The following TTC39B variants were observed in gnomAD, a reference collection of about 807,000 sequenced individuals.
The protein encoded by TTC39B is tetratricopeptide repeat domain 39B.
A neutral mutation model predicts 96.6 loss-of-function variants in TTC39B; 92 were observed. The observed-to-expected ratio is 0.95, with a 90% CI of 0.80 to 1.13. TTC39B has a LOEUF of 1.13. TTC39B is among the 50% of genes most tolerant of loss of function. TTC39B has a pLI of 0.00. For missense variants in TTC39B, 955 were observed against 809.3 expected (o/e 1.18, Z -2.18); for synonymous variants, 367 against 299.4 (o/e 1.23, Z -2.33).
chr9:15,306,955 C>T lies in TTC39B; in HGVS notation c.240+129G>A. On this transcript the variant is annotated intron_variant, in intron 1 of 19. Transcript: ENST00000512701. This position sits in a 1 kb window ranked among gnomAD's most constrained non-coding sequence, Gnocchi z 5.1. ...AAGGCCGGGCGCCCCCACCCGGCGCCCGCCAGCCCACCCCAGAGAGGGGAC... is the reference window on the plus strand; with the variant it reads ...AAGGCCGGGCGCCCCCACCCGGCGCTCGCCAGCCCACCCCAGAGAGGGGAC... 7.1e-7 allele frequency: 1 copy of T among 1,401,124 alleles called. No homozygotes were observed. The highest frequency in any genetic ancestry group is 1.4e-5 in the South Asian group (1 of 72,992). The allele number at this position is 1,401,124 out of a possible 1,614,324, so 86.8% of individuals were successfully genotyped here. A position where few individuals can be genotyped will look rare whatever the true frequency, so the allele number is the denominator to read the frequency against.
intron 3 of TTC39B, among the ~76,000 whole-genome samples, chr9:15,217,721 C>A (rs545690574): frequency 6.6e-6 from 1 of 152,244 alleles, no homozygotes; most frequent in African/African-American, 2.4e-5. Context: ...CTCCATGGTT[C>A]TCAAACTCCA....
intron 3 of TTC39B, among the ~76,000 whole-genome samples, chr9:15,224,936 TA>T (rs1821041114): frequency 6.6e-6 from 1 of 152,188 alleles, no homozygotes. Context: ...AACACACGCA[TA>T]GCTGAAATTT....
At position 15,201,532 on chromosome 9, in the gene TTC39B, A is replaced by C. The variant is rs1293521417; in HGVS notation, c.760-1607T>G. On this transcript the variant is annotated intron_variant, in intron 7 of 19. Coordinates refer to ENST00000512701, the Ensembl canonical transcript of TTC39B. ...AAATAATTAGAAACTGGACAGGTAT[A>C]GAAAGGCAAAGCAGATGTGAATTTT... Among the ~76,000 whole-genome samples, 3 of 152,352 alleles carry C rather than the reference A, an allele frequency of 2.0e-5. No homozygotes were observed. The South Asian group carries it at 6.2e-4, about 32-fold the overall frequency.
intron 2 of TTC39B, chr9:15,249,994 A>ATT: frequency 2.4e-6 from 3 of 1,276,178 alleles, no homozygotes; most frequent in South Asian, 1.3e-5. Flanking sequence ...CTTCTACCAG[A>ATT]TTTTTTTTTA....
At chr9:15,192,755 A>C in intron 8 of TTC39B, 60 bp from the exon 9 acceptor site, 1 of 1,194,282 alleles carries the variant, frequency 8.4e-7, no homozygotes, top group East Asian at 2.4e-5. Flanking sequence ...ATAAATATTA[A>C]ATCAAATTTT....
intron 2 of TTC39B, among the ~76,000 whole-genome samples, chr9:15,251,605 C>A (rs1647406134): frequency 6.7e-6 from 1 of 149,756 alleles, no homozygotes; most frequent in South Asian, 2.1e-4. Context: ...CCAGAGATAA[C>A]CACTCTTAAT....
At chr9:15,202,258 A>G (rs1009033399) in intron 7 of TTC39B, among the ~76,000 whole-genome samples, 2 of 152,202 alleles carry the variant, frequency 1.3e-5, no homozygotes, top group African/African-American at 4.8e-5. Context: ...TATCATTATG[A>G]TGCTTACTGA....
rs188820882 is a variant in TTC39B at position 15,173,421 on chromosome 9, A to G, written c.1959-1312T>C. ...AGAGTTGCCTAAAGTAGCGGACTCC[A>G]TTTTGTTTGTCACCTCATTTGTCAA... On this transcript the variant is annotated intron_variant, in intron 19 of 19. Coordinates refer to ENST00000512701, the Ensembl canonical transcript of TTC39B. Among the ~76,000 whole-genome samples the G allele has an allele frequency of 9.2e-5, 14 of 152,260 alleles. 1 individual carries two copies. In the East Asian group the frequency reaches 2.7e-3, roughly 29 times the overall value.
At chr9:15,198,633 C>G (rs549083) in intron 8 of TTC39B, among the ~76,000 whole-genome samples, 40,693 of 151,374 alleles carry the variant, frequency 0.27, 5,580 homozygotes, top group South Asian at 0.32. Context: ...AAAAATTAGA[C>G]TACAGCTAAG....
At chr9:15,257,707 C>T (rs193223247) in intron 2 of TTC39B, among the ~76,000 whole-genome samples, 173 of 151,552 alleles carry the variant, frequency 1.1e-3, no homozygotes, top group Non-Finnish European at 1.1e-3. Flanking sequence ...TTTGGCCTCC[C>T]AAAGTGCTGG....
chr9:15,186,241 G>C (rs1472740615), intron 15 of TTC39B, among the ~76,000 whole-genome samples: 1 of 152,156 alleles, frequency 6.6e-6, no homozygotes, highest in Non-Finnish European at 1.5e-5. Flanking sequence ...TGGAGCTATG[G>C]ATTTTAAACT....
chr9:15,199,602 G>A (rs1032647953), intron 8 of TTC39B, among the ~76,000 whole-genome samples: 1 of 151,424 alleles, frequency 6.6e-6, no homozygotes, highest in Non-Finnish European at 1.5e-5. Flanking sequence ...GGGCGTGGTG[G>A]CGGGCGCCTG....
chr9:15,288,417 C>T (rs1367714343), intron 1 of TTC39B, among the ~76,000 whole-genome samples: 4 of 152,150 alleles, frequency 2.6e-5, no homozygotes, highest in Admixed American at 2.6e-4. Flanking sequence ...CAGAATGGCA[C>T]AGCAAAGAGA....
intron 19 of TTC39B, among the ~76,000 whole-genome samples, chr9:15,174,780 C>A (rs1424325500): frequency 2.6e-5 from 4 of 152,120 alleles, no homozygotes; most frequent in African/African-American, 9.7e-5. Flanking sequence ...AGAAATCTTT[C>A]AAATAGATGC....
At position 15,200,729 on chromosome 9, in the gene TTC39B, G is replaced by A. The variant is rs138756635; in HGVS notation, c.760-804C>T. On this transcript the variant is annotated intron_variant, in intron 7 of 19. Transcript: ENST00000512701. ...TCAGAAAGATGCTCTGGCTGGGCGT[G>A]GTGGCTCACGCCTATAATCCCAGCA... Among the ~76,000 whole-genome samples the A allele has an allele frequency of 3.2e-3, 484 of 152,300 alleles. 1 individual carries two copies. The highest frequency in any genetic ancestry group is 0.011 in the African/African-American group (456 of 41,554).
chr9:15,233,814 C>G (rs1387653546), intron 2 of TTC39B, among the ~76,000 whole-genome samples: 1 of 152,064 alleles, frequency 6.6e-6, no homozygotes, highest in Non-Finnish European at 1.5e-5. Context: ...TGCCTGGCCG[C>G]CCATCCTCTG....
At chr9:15,270,192 A>G (rs1483561751) in intron 1 of TTC39B, among the ~76,000 whole-genome samples, 1 of 152,012 alleles carries the variant, frequency 6.6e-6, no homozygotes, top group East Asian at 1.9e-4. Context: ...AAAAAGTTGT[A>G]AACAGTGGCA....
chr9:15,177,511 T>G (rs1383989759), intron 18 of TTC39B, among the ~76,000 whole-genome samples, 186 bp downstream of exon 18: 1 of 152,184 alleles, frequency 6.6e-6, no homozygotes, highest in African/African-American at 2.4e-5. Context: ...CATAAAGTCA[T>G]GTTCCACCCA....
chr9:15,266,384 A>G (rs1481712567), intron 2 of TTC39B, among the ~76,000 whole-genome samples: 1 of 152,190 alleles, frequency 6.6e-6, no homozygotes, highest in Admixed American at 6.5e-5. Flanking sequence ...TATAATTTAA[A>G]GTCCATAAGT....
Sources: gnomAD v4.1 joint callset for allele counts (sites outside exome capture counted in the v4.1 genomes callset) on GRCh38, gnomAD v4.1.1 for gene constraint, Gnocchi (gnomAD v3.1) non-coding constraint, MANE v1.5 for transcripts, NCBI Gene and HGNC (gene_info 2026-07-23, HGNC 2026-07-21) for gene names.